The following KCNJ6 variants were observed in gnomAD, a reference collection of about 807,000 sequenced individuals.
KCNJ6 encodes potassium inwardly rectifying channel subfamily J member 6.
In KCNJ6, 9 loss-of-function variants were observed where a neutral mutation model predicts 34.2. That is an observed-to-expected ratio of 0.26 (90% CI 0.16 to 0.46). The LOEUF is 0.46. Among genes scored for constraint, KCNJ6 ranks in the 20% least tolerant of loss-of-function variants. The probability of loss-of-function intolerance (pLI) is 1.00; values close to 1 mark genes in which losing one functional copy is unlikely to be tolerated. For missense variants in KCNJ6, 236 were observed against 531.3 expected (o/e 0.44, Z 5.46); for synonymous variants, 196 against 207.1 (o/e 0.95, Z 0.46).
At position 37,714,881 on chromosome 21, in the gene KCNJ6, G is replaced by A; in HGVS notation, c.276C>T (p.Asn92=). The change falls in exon 3 of 4, where the codon AAC becomes AAT. Residue 92 remains asparagine (N), a synonymous_variant. Transcript: ENST00000609713. This position sits in a 1 kb window ranked among gnomAD's most constrained non-coding sequence, Gnocchi z 5.9. ...TGTAAACCATGACAAAAATCAATAG[G>A]TTGAATCTCCACTTCAGGTCCACTA... ...TTLVDLKWRF[N]LLIFVMVYTV... 1.2e-6 allele frequency: 2 copies of A among 1,614,238 alleles called. No individual in the cohort carries two copies. Among genetic ancestry groups the A allele is most frequent in the Middle Eastern group, 1.6e-4 (1 of 6,062 alleles).
At chr21:37,904,102 C>A (rs548630457) in intron 1 of KCNJ6, among the ~76,000 whole-genome samples, 75 of 152,290 alleles carry the variant, frequency 4.9e-4, no homozygotes, top group Middle Eastern at 3.4e-3. Flanking sequence ...TTGCTGAAAC[C>A]ACAATGTGAT....
intron 2 of KCNJ6, among the ~76,000 whole-genome samples, chr21:37,768,220 C>T (rs1392761422): frequency 2.0e-5 from 3 of 151,828 alleles, no homozygotes; most frequent in South Asian, 2.1e-4. Flanking sequence ...CCACTCCATA[C>T]GGGTCACTGT....
chr21:37,892,897 G>A (rs1187557061), intron 1 of KCNJ6, among the ~76,000 whole-genome samples: 1 of 146,294 alleles, frequency 6.8e-6, no homozygotes, highest in Non-Finnish European at 1.5e-5. Flanking sequence ...CTGTCACCCA[G>A]GCTGGAATGC....
At chr21:37,906,495 G>A (rs909226212) in intron 1 of KCNJ6, among the ~76,000 whole-genome samples, 2 of 152,238 alleles carry the variant, frequency 1.3e-5, no homozygotes, top group Non-Finnish European at 2.9e-5. Flanking sequence ...CCCTGGAGGG[G>A]ATGGGCAGAT....
Position 37,617,167 on chromosome 21 carries a change from T to TC in KCNJ6, c.*7991_*7992insG, listed in dbSNP as rs2054274721. The TC allele has an allele frequency of 7.8e-6, 1 of 128,446 alleles. No individual in the cohort carries two copies. Among genetic ancestry groups the TC allele is most frequent in the East Asian group, 2.2e-4 (1 of 4,606 alleles). 8.0% of individuals were successfully genotyped at this position (128,446 alleles called of 1,614,324 possible). A position where few individuals can be genotyped will look rare whatever the true frequency, so the allele number is the denominator to read the frequency against. On this transcript the variant is annotated 3_prime_UTR_variant, in exon 4 of 4. Transcript: ENST00000609713. Reference sequence around the variant, plus strand: ...TCCTTCCTTCCTTCTTTCTTTATCTTTTTTCCTTCCTTCCTTCCTTCCTTC... The same window carrying TC: ...TCCTTCCTTCCTTCTTTCTTTATCTTCTTTTCCTTCCTTCCTTCCTTCCTTC...
At chr21:37,657,296 G>T (rs568981423) in intron 3 of KCNJ6, among the ~76,000 whole-genome samples, 2 of 152,174 alleles carry the variant, frequency 1.3e-5, no homozygotes, top group Non-Finnish European at 1.5e-5. Context: ...ACCTACACAC[G>T]TCACCAATGA....
chr21:37,699,649 G>A (rs2054680575), intron 3 of KCNJ6, among the ~76,000 whole-genome samples: 1 of 152,210 alleles, frequency 6.6e-6, no homozygotes, highest in Non-Finnish European at 1.5e-5. Context: ...TGGCCTTGGA[G>A]AGTCTCTGTT....
rs917492788 is a variant in KCNJ6 at position 37,613,365 on chromosome 21, G to A, written c.*11794C>T. On this transcript the variant is annotated 3_prime_UTR_variant, in exon 4 of 4. Transcript: ENST00000609713. ...AATGCAAAACAGTACAGCCACTTTG[G>A]AAGGCAGTTTGGCTGTGTCTTGCAA... is the stretch of plus-strand genomic sequence containing the variant. 1 of 152,276 alleles carries A rather than the reference G, an allele frequency of 6.6e-6. No homozygotes were observed. Among genetic ancestry groups the A allele is most frequent in the Non-Finnish European group, 1.5e-5 (1 of 68,058 alleles). The allele number at this position is 152,276 out of a possible 1,614,324, so 9.4% of individuals were successfully genotyped here.
chr21:37,867,208 G>T (rs949120822), intron 1 of KCNJ6, among the ~76,000 whole-genome samples: 3 of 152,068 alleles, frequency 2.0e-5, no homozygotes, highest in African/African-American at 7.2e-5. Context: ...TTTTATATTT[G>T]CCTGAGAGTC....
chr21:37,708,904 A>G (rs1028315048), intron 3 of KCNJ6, among the ~76,000 whole-genome samples: 9 of 152,218 alleles, frequency 5.9e-5, no homozygotes, highest in African/African-American at 2.2e-4. Flanking sequence ...CTGCAATCTC[A>G]TATTCTCCCC....
chr21:37,818,254 T>A (rs1010851674), intron 2 of KCNJ6, among the ~76,000 whole-genome samples: 1 of 143,954 alleles, frequency 6.9e-6, no homozygotes, highest in African/African-American at 2.6e-5. Flanking sequence ...GTACTCTGAA[T>A]GCTGGGGCAG....
chr21:37,656,098 G>A (rs1718857572), intron 3 of KCNJ6, among the ~76,000 whole-genome samples: 1 of 152,144 alleles, frequency 6.6e-6, no homozygotes, highest in African/African-American at 2.4e-5. Flanking sequence ...AATGGGACAT[G>A]GTGCCTGGAC....
chr21:37,691,002 T>TGAACTCCCAAC (rs1203347860), intron 3 of KCNJ6, among the ~76,000 whole-genome samples: 8 of 152,136 alleles, frequency 5.3e-5, no homozygotes, highest in Non-Finnish European at 8.8e-5. Flanking sequence ...AGGCTGGTCT[T>TGAACTCCCAAC]GAACTCCCAA....
At chr21:37,895,335 G>A (rs1035619467) in intron 1 of KCNJ6, among the ~76,000 whole-genome samples, 3 of 152,224 alleles carry the variant, frequency 2.0e-5, no homozygotes, top group African/African-American at 7.2e-5. Flanking sequence ...AGGGCTGAGT[G>A]GGGTGCAGCT....
intron 2 of KCNJ6, among the ~76,000 whole-genome samples, chr21:37,790,192 T>C (rs890616877): frequency 6.6e-6 from 1 of 152,212 alleles, no homozygotes; most frequent in Non-Finnish European, 1.5e-5. Context: ...TCAATCTTAG[T>C]GCTTTTTGGG....
chr21:37,643,027 T>G (rs1366690320), intron 3 of KCNJ6, among the ~76,000 whole-genome samples: 1 of 152,148 alleles, frequency 6.6e-6, no homozygotes, highest in Admixed American at 6.5e-5. Context: ...CTCCAAGTTT[T>G]GAGTATGATA....
Position 37,765,541 on chromosome 21 carries a change from C to T in KCNJ6, c.26-50410G>A, listed in dbSNP as rs944713718. On this transcript the variant is annotated intron_variant, in intron 2 of 3. Coordinates refer to ENST00000609713, the MANE Select transcript of KCNJ6 (RefSeq NM_002240.5). ...CCCCTTTGCCTCCCAGCCCCAGACA[C>T]GGAATTCTCTGGTCCAAAATGTCAA... is the stretch of plus-strand genomic sequence containing the variant. 5.3e-5 allele frequency among the ~76,000 whole-genome samples: 8 copies of T among 152,268 alleles called. No individual in the cohort carries two copies. In the East Asian group the frequency reaches 5.8e-4, roughly 11 times the overall value.
At chr21:37,852,506 T>C (rs2055542723) in intron 1 of KCNJ6, among the ~76,000 whole-genome samples, 1 of 152,184 alleles carries the variant, frequency 6.6e-6, no homozygotes, top group South Asian at 2.1e-4. Context: ...TTCATTACCA[T>C]CCAGCAGTAA....
At chr21:37,823,568 G>A (rs2055384335) in intron 2 of KCNJ6, among the ~76,000 whole-genome samples, 1 of 152,194 alleles carries the variant, frequency 6.6e-6, no homozygotes, top group East Asian at 1.9e-4. Flanking sequence ...GAGATCTGAT[G>A]GTTTTATAAG....
Sources: gnomAD v4.1 joint callset for allele counts (sites outside exome capture counted in the v4.1 genomes callset) on GRCh38, gnomAD v4.1.1 for gene constraint, Gnocchi (gnomAD v3.1) non-coding constraint, MANE v1.5 for transcripts, NCBI Gene and HGNC (gene_info 2026-07-23, HGNC 2026-07-21) for gene names.